CCDC68: variants seen among roughly 807,000 people sequenced by gnomAD.
CCDC68 encodes the protein coiled-coil domain containing 68.
A neutral mutation model predicts 47.1 loss-of-function variants in CCDC68; 45 were observed. The observed-to-expected ratio is 0.96, with a 90% CI of 0.75 to 1.23. CCDC68 has a LOEUF of 1.23. CCDC68 is among the 50% of genes most tolerant of loss of function. The pLI, the probability that CCDC68 is intolerant of heterozygous loss-of-function variation, is 0.00. For missense variants in CCDC68, 353 were observed against 373.6 expected (o/e 0.94, Z 0.45); for synonymous variants, 131 against 129.5 (o/e 1.01, Z -0.08).
chr18:54,956,677 G>A (rs547526241), intron 1 of CCDC68, among the ~76,000 whole-genome samples: 32 of 152,266 alleles, frequency 2.1e-4, no homozygotes, highest in African/African-American at 7.2e-4. Flanking sequence ...TATATTGTAC[G>A]ATTCCATCTG....
chr18:54,919,512 GC>G (rs2145428074), intron 8 of CCDC68, 136 bp from the exon 9 acceptor site: 1 of 673,058 alleles, frequency 1.5e-6, no homozygotes, highest in Non-Finnish European at 2.7e-6. Flanking sequence ...GCCCCATTAT[GC>G]CACATAGGAC....
At chr18:54,912,001 C>T (rs1012736245) in intron 10 of CCDC68, among the ~76,000 whole-genome samples, 4 of 152,200 alleles carry the variant, frequency 2.6e-5, no homozygotes, top group Non-Finnish European at 5.9e-5. Flanking sequence ...AACTACAAAT[C>T]ACTGGCCAGA....
intron 5 of CCDC68, 91 bp from the exon 6 acceptor site, chr18:54,937,049 G>C (rs1008981863): frequency 8.3e-7 from 1 of 1,210,826 alleles, no homozygotes; most frequent in Non-Finnish European, 1.2e-6. Context: ...AACACCAAAG[G>C]TATAACTATA....
intron 8 of CCDC68, among the ~76,000 whole-genome samples, chr18:54,920,994 C>G (rs574813773): frequency 6.6e-6 from 1 of 152,280 alleles, no homozygotes; most frequent in African/African-American, 2.4e-5. Context: ...TATATATACA[C>G]CATGGAATAC....
intron 1 of CCDC68, among the ~76,000 whole-genome samples, chr18:54,949,768 GA>G (rs1243004057): frequency 3.3e-5 from 5 of 152,174 alleles, no homozygotes; most frequent in Non-Finnish European, 7.3e-5. Context: ...ACAACATCTA[GA>G]ATCAGCCAAA....
chr18:54,936,233 TA>T (rs564474673), intron 6 of CCDC68, among the ~76,000 whole-genome samples: 39,929 of 143,804 alleles, frequency 0.28, 6,106 homozygotes, highest in African/African-American at 0.41. Flanking sequence ...TATATATTTT[TA>T]AAAAATATAT....
intron 7 of CCDC68, among the ~76,000 whole-genome samples, chr18:54,931,290 C>T (rs2044256166): frequency 1.3e-5 from 2 of 152,084 alleles, no homozygotes; most frequent in East Asian, 1.9e-4. Flanking sequence ...TACCAGATAG[C>T]GCTTCTCAGG....
At chr18:54,937,880 G>C (rs1472158660) in intron 5 of CCDC68, 77 bp downstream of exon 5, 1 of 1,326,688 alleles carries the variant, frequency 7.5e-7, no homozygotes, top group African/African-American at 1.5e-5. Context: ...TGCTTTTACA[G>C]AGCCACAGAT....
In CCDC68 at chr18:54,907,787, T is replaced by C. The variant is rs1481281913; in HGVS notation, c.949A>G (p.Ser317Gly). 1 of 1,572,444 alleles carries C rather than the reference T, an allele frequency of 6.4e-7. No homozygotes were observed. Among genetic ancestry groups the C allele is most frequent in the South Asian group, 1.1e-5 (1 of 90,142 alleles). Residue 317 changes from serine to glycine, a missense_variant and splice_region_variant, in exon 11 of 12, where the codon AGT becomes GGT. Ser to Gly is a moderately conservative substitution (Grantham distance 56). Transcript: ENST00000591504. ...GGTGGAAGAGGACAGAGACCTTACC[T>C]TGTAGAGACAGCCTTAGATACCTTT... ...RTKVSKAVSTSELKTEGVSPY... is the reference protein window; with the variant it reads ...RTKVSKAVSTGELKTEGVSPY...
At position 54,936,882 on chromosome 18, in the gene CCDC68, T is replaced by C. The variant is rs1223087419; in HGVS notation, c.422A>G (p.Gln141Arg). 4.3e-6 allele frequency: 7 copies of C among 1,614,144 alleles called. No homozygotes were observed. Among genetic ancestry groups the C allele is most frequent in the South Asian group, 1.1e-5 (1 of 91,084 alleles). The change falls in exon 6 of 12, where the codon CAA becomes CGA. Residue 141 changes from glutamine to arginine, a missense_variant. Transcript: ENST00000591504. ...CTGCTTCTTTCTCACTTCTTCAGAT[T>C]GCGTTTGGTAGTTTTCAAATAATCT... ...AQRLFENYQTQSEEVRKKQED... is the reference protein window; with the variant it reads ...AQRLFENYQTRSEEVRKKQED...
intron 1 of CCDC68, among the ~76,000 whole-genome samples, chr18:54,956,532 A>C (rs1319425495): frequency 6.6e-6 from 1 of 152,258 alleles, no homozygotes; most frequent in Non-Finnish European, 1.5e-5. Flanking sequence ...CAAATGGTGA[A>C]CAAAATGCGG....
At chr18:54,936,390 T>C (rs902399212) in intron 6 of CCDC68, among the ~76,000 whole-genome samples, 10 of 151,490 alleles carry the variant, frequency 6.6e-5, no homozygotes, top group Admixed American at 2.0e-4. Flanking sequence ...GAAGTATCTA[T>C]CCTAAGACCA....
At chr18:54,951,889 A>G (rs184150392) in intron 1 of CCDC68, among the ~76,000 whole-genome samples, 116 of 152,336 alleles carry the variant, frequency 7.6e-4, no homozygotes, top group African/African-American at 2.7e-3. Flanking sequence ...TTGGAAAATC[A>G]TTTAAACTCC....
intron 6 of CCDC68, among the ~76,000 whole-genome samples, chr18:54,936,087 TA>T (rs1244996631): frequency 1.4e-5 from 2 of 147,042 alleles, no homozygotes; most frequent in East Asian, 1.9e-4. Context: ...ATTTATATTT[TA>T]AAAAATATAT....
At chr18:54,957,627 A>ACTCTCTCTCTCT (rs60851819) in intron 1 of CCDC68, among the ~76,000 whole-genome samples, 1 of 143,750 alleles carries the variant, frequency 7.0e-6, no homozygotes, top group Non-Finnish European at 1.5e-5. Flanking sequence ...ACACACACAC[A>ACTCTCTCTCTCT]CTCTCTCTCT....
intron 4 of CCDC68, among the ~76,000 whole-genome samples, chr18:54,939,285 A>C (rs1452811199): frequency 6.9e-6 from 1 of 144,644 alleles, no homozygotes; most frequent in Non-Finnish European, 1.5e-5. Context: ...AATATTTGAC[A>C]AAAAAAAAAA....
chr18:54,904,469 T>A, intron 11 of CCDC68, 54 bp from the exon 12 acceptor site: 1 of 1,402,004 alleles, frequency 7.1e-7, no homozygotes, highest in Non-Finnish European at 1.0e-6. Context: ...CTCTAGTGAT[T>A]ATGGCTAGAC....
At chr18:54,919,182 T>C in intron 9 of CCDC68, 89 bp downstream of exon 9, 1 of 949,090 alleles carries the variant, frequency 1.1e-6, no homozygotes, top group Non-Finnish European at 1.7e-6. Context: ...GAAATCTCAT[T>C]GCTTCAAAAG....
At position 54,947,430 on chromosome 18, in the gene CCDC68, G is replaced by T. The variant is rs118167334; in HGVS notation, c.-102-1953C>A. Among the ~76,000 whole-genome samples, 812 of 152,302 alleles carry T rather than the reference G, an allele frequency of 5.3e-3. 1 individual carries two copies. Among genetic ancestry groups the T allele is most frequent in the Non-Finnish European group, 8.3e-3 (565 of 68,024 alleles). ...ACTGAATTTTTCCATGAGGCTTTCT[G>T]TGAAGAAAGAAGGTTCCACAGCTGA... On this transcript the variant is annotated intron_variant, in intron 1 of 11. Transcript: ENST00000591504.
Sources: gnomAD v4.1 joint callset for allele counts (sites outside exome capture counted in the v4.1 genomes callset) on GRCh38, gnomAD v4.1.1 for gene constraint, MANE v1.5 for transcripts, NCBI Gene and HGNC (gene_info 2026-07-23, HGNC 2026-07-21) for gene names.